Variants in COL9A1 observed in about 807,000 individuals in gnomAD.
COL9A1 encodes the protein collagen type IX alpha 1 chain, also known as collagen alpha-1(IX) chain.
A neutral mutation model predicts 142.6 loss-of-function variants in COL9A1; 104 were observed. The observed-to-expected ratio is 0.73, with a 90% CI of 0.62 to 0.86. The LOEUF (loss-of-function observed/expected upper bound fraction) is 0.86. Ranked by LOEUF, COL9A1 falls within the 40% of genes least tolerant of loss-of-function variation. COL9A1 has a pLI of 0.00. For synonymous variants in COL9A1, 466 were observed against 396.0 expected, an observed-to-expected ratio of 1.18 and a Z score of -2.10; for missense variants, 1,210 against 1,176.6, an observed-to-expected ratio of 1.03 and a Z score of -0.42.
At chr6:70,280,582 A>T in intron 10 of COL9A1, 1 of 1,378,262 alleles carries the variant, frequency 7.3e-7, no homozygotes, top group African/African-American at 1.5e-5. Context: ...GTTTTCTAGG[A>T]GGAGGAAATG....
chr6:70,280,615 A>G, intron 10 of COL9A1, 197 bp downstream of exon 10: 2 of 1,252,252 alleles, frequency 1.6e-6, no homozygotes, highest in East Asian at 2.6e-5. Context: ...AGAGAGAGGT[A>G]TCCTCACCTT....
At position 70,294,377 on chromosome 6, in the gene COL9A1, T is replaced by C; in HGVS notation, c.486A>G (p.Gly162=). ...TCGAAAAGGCTGCTGTTTGGAGACTTCCATCCAGTCCCTTGTATGAAAATA... is the reference window on the plus strand; with the variant it reads ...TCGAAAAGGCTGCTGTTTGGAGACTCCCATCCAGTCCCTTGTATGAAAATA... The part of the protein sequence containing the change: ...SVVFSYKGLD[G]SLQTAAFSNL... Residue 162 remains glycine (G), a synonymous_variant, in exon 5 of 38, where the codon GGA becomes GGG. Coordinates refer to ENST00000357250, the MANE Select transcript of COL9A1 (RefSeq NM_001851.6). The C allele has an allele frequency of 1.2e-6, 2 of 1,614,098 alleles. No individual in the cohort carries two copies. Among genetic ancestry groups the C allele is most frequent in the Non-Finnish European group, 1.7e-6 (2 of 1,179,990 alleles).
intron 4 of COL9A1, among the ~76,000 whole-genome samples, chr6:70,295,825 C>CATT (rs1331707265): frequency 1.3e-5 from 2 of 152,162 alleles, no homozygotes; most frequent in African/African-American, 4.8e-5. Flanking sequence ...AGGACTTGAA[C>CATT]ATTATGTCTT....
At chr6:70,296,508 T>C (rs935773473) in intron 4 of COL9A1, among the ~76,000 whole-genome samples, 2 of 152,182 alleles carry the variant, frequency 1.3e-5, no homozygotes, top group African/African-American at 4.8e-5. Context: ...TATTTGTTTT[T>C]AATATACTTC....
chr6:70,256,419 G>A (rs1045229893), intron 21 of COL9A1, among the ~76,000 whole-genome samples: 48 of 152,010 alleles, frequency 3.2e-4, no homozygotes, highest in African/African-American at 1.1e-3. Context: ...GAATAATGGA[G>A]TCAGAAACCA....
intron 2 of COL9A1, among the ~76,000 whole-genome samples, 161 bp downstream of exon 2, chr6:70,301,840 G>A (rs558017673): frequency 5.4e-4 from 83 of 152,294 alleles, no homozygotes; most frequent in Admixed American, 1.0e-3. Context: ...ATTGACCATG[G>A]AAAACCAGAA....
At chr6:70,283,629 A>T in intron 6 of COL9A1, 108 bp downstream of exon 6, 1 of 809,644 alleles carries the variant, frequency 1.2e-6, no homozygotes. Flanking sequence ...TCTTAGCGAA[A>T]GAGAGTGGGG....
In COL9A1 at chr6:70,294,332, A is replaced by G. The variant is rs754428636; in HGVS notation, c.531T>C (p.Asp177=). The stretch of plus-strand genomic sequence containing the variant: ...CAATCATGATCTTATGCCACTGGGA[A>G]TCAAACAAGGAGGACAAATTCGAAA... The part of the protein sequence containing the change: ...AAFSNLSSLF[D]SQWHKIMIGV... The change falls in exon 5 of 38, where the codon GAT becomes GAC. Residue 177 remains aspartate, a synonymous_variant. Coordinates refer to ENST00000357250, the MANE Select transcript of COL9A1 (RefSeq NM_001851.6). 1.2e-5 allele frequency: 20 copies of G among 1,613,978 alleles called. No individual in the cohort carries two copies. The East Asian group carries it at 3.3e-4, about 27-fold the overall frequency.
At chr6:70,275,936 T>A (rs778726256) in intron 10 of COL9A1, among the ~76,000 whole-genome samples, 49 of 152,156 alleles carry the variant, frequency 3.2e-4, no homozygotes, top group Non-Finnish European at 4.7e-4. Context: ...TAAACATCCA[T>A]AAAATTCCTT....
chr6:70,232,559 T>C, intron 36 of COL9A1, 24 bp downstream of exon 36: 2 of 1,612,626 alleles, frequency 1.2e-6, no homozygotes, highest in Middle Eastern at 1.9e-4. Context: ...TGTTCTTTGG[T>C]TCCACATGGG....
At chr6:70,286,594 G>T (rs1243217870) in intron 5 of COL9A1, among the ~76,000 whole-genome samples, 1 of 152,174 alleles carries the variant, frequency 6.6e-6, no homozygotes, top group Non-Finnish European at 1.5e-5. Flanking sequence ...TGACAACAAA[G>T]ATTTAAAAGA....
intron 33 of COL9A1, among the ~76,000 whole-genome samples, chr6:70,235,459 TATA>T (rs139009719): frequency 0.015 from 2,218 of 151,688 alleles, 73 homozygotes; most frequent in East Asian, 0.13. Context: ...TCTCAAAAAT[TATA>T]ATAATAATAA....
At chr6:70,292,405 T>C (rs1468441644) in intron 5 of COL9A1, among the ~76,000 whole-genome samples, 1 of 152,222 alleles carries the variant, frequency 6.6e-6, no homozygotes, top group Non-Finnish European at 1.5e-5. Flanking sequence ...AATCAGAATG[T>C]AAAACCAGCT....
At chr6:70,219,707 TCA>T (rs1768750167) in intron 37 of COL9A1, among the ~76,000 whole-genome samples, 1 of 152,218 alleles carries the variant, frequency 6.6e-6, no homozygotes, top group Admixed American at 6.5e-5. Context: ...CTAACAGCTG[TCA>T]TCGGGGAATA....
In COL9A1 at chr6:70,246,027, C is replaced by A. The variant is rs559719240; in HGVS notation, c.1873-3312G>T. On this transcript the variant is annotated intron_variant, in intron 28 of 37. Coordinates refer to ENST00000357250, the MANE Select transcript of COL9A1 (RefSeq NM_001851.6). ...CTTGGATGCTCTGTGCTGCCACATACGTCCCCAACAAATTGAGACACATCT... is the reference window on the plus strand; with the variant it reads ...CTTGGATGCTCTGTGCTGCCACATAAGTCCCCAACAAATTGAGACACATCT... 2.0e-5 allele frequency: 3 copies of A among 152,340 alleles called. No individual in the cohort carries two copies. In the East Asian group the frequency reaches 5.8e-4, roughly 29 times the overall value. 9.4% of individuals were successfully genotyped at this position (152,340 alleles called of 1,614,324 possible). A position where few individuals can be genotyped will look rare whatever the true frequency, so the allele number is the denominator to read the frequency against.
intron 24 of COL9A1, 81 bp downstream of exon 24, chr6:70,254,882 A>C (rs1208128699): frequency 3.8e-6 from 5 of 1,305,876 alleles, no homozygotes; most frequent in African/African-American, 1.5e-5. Flanking sequence ...TCTTTTGGTG[A>C]TTTAGTAATG....
chr6:70,242,189 T>G, intron 29 of COL9A1, 154 bp from the exon 30 acceptor site: 1 of 717,896 alleles, frequency 1.4e-6, no homozygotes, highest in South Asian at 1.5e-5. Context: ...TCTTTCATAT[T>G]CTCAGGAGAA....
intron 4 of COL9A1, among the ~76,000 whole-genome samples, chr6:70,294,945 G>A (rs1263050256): frequency 6.6e-6 from 1 of 152,196 alleles, no homozygotes; most frequent in Non-Finnish European, 1.5e-5. Context: ...AGTGAGAGAG[G>A]AGATCATTAG....
At chr6:70,241,519 C>A in intron 30 of COL9A1, 65 bp from the exon 31 acceptor site, 2 of 1,369,264 alleles carry the variant, frequency 1.5e-6, no homozygotes, top group Non-Finnish European at 2.1e-6. Flanking sequence ...TCAAGTGAAC[C>A]TTATTGGGTG....
Sources: allele counts gnomAD v4.1 joint callset (sites outside exome capture counted in the v4.1 genomes callset), GRCh38; gene constraint gnomAD v4.1.1; transcripts MANE v1.5; gene names NCBI Gene and HGNC (gene_info 2026-07-23, HGNC 2026-07-21).